The following DOK5 variants were observed in gnomAD, a reference collection of about 807,000 sequenced individuals.
DOK5 encodes the protein downstream of tyrosine kinase 5.
DOK5 carries 27 observed loss-of-function variants against 43.3 expected under a neutral mutation model. The ratio of observed to expected loss-of-function variants is 0.62; its 90% confidence interval spans 0.46 to 0.86. The LOEUF is 0.86. Ranked by LOEUF, DOK5 falls within the 40% of genes least tolerant of loss-of-function variation. The pLI, the probability that DOK5 is intolerant of heterozygous loss-of-function variation, is 0.00. For synonymous variants in DOK5, 146 were observed against 140.1 expected (o/e 1.04, Z -0.30); for missense variants, 373 against 392.9 (o/e 0.95, Z 0.43).
At chr20:54,481,864 T>C (rs1437378318) in intron 1 of DOK5, among the ~76,000 whole-genome samples, 1 of 152,186 alleles carries the variant, frequency 6.6e-6, no homozygotes, top group Admixed American at 6.5e-5. Flanking sequence ...CTCTTACTAC[T>C]CACCTAATAG....
chr20:54,480,902 C>CTATCTATCTATCTATCTATCT lies in DOK5; in HGVS notation c.66+4890_66+4891insTATCTATCTATCTATCTATCT, dbSNP rs1555822314. ...CTCTCAATGAGGCCTTTAAGGCCTCCATCTATCTATCTATCTATCTATCAA... is the reference window on the plus strand; with the variant it reads ...CTCTCAATGAGGCCTTTAAGGCCTCCTATCTATCTATCTATCTATCTATCTATCTATCTATCTATCTATCAA... On this transcript the variant is annotated intron_variant, in intron 1 of 7. Coordinates refer to ENST00000262593, the MANE Select transcript of DOK5 (RefSeq NM_018431.5). Among the ~76,000 whole-genome samples, 145 of 134,978 alleles carry CTATCTATCTATCTATCTATCT rather than the reference C, an allele frequency of 1.1e-3. 3 individuals are homozygous for CTATCTATCTATCTATCTATCT. The highest frequency in any genetic ancestry group is 1.9e-3 in the African/African-American group (58 of 30,580). 88.6% of individuals were successfully genotyped at this position (134,978 alleles called of 152,430 possible).
chr20:54,569,764 T>G (rs1985223972), intron 2 of DOK5, among the ~76,000 whole-genome samples: 1 of 152,184 alleles, frequency 6.6e-6, no homozygotes, highest in African/African-American at 2.4e-5. Context: ...AATGGATTAT[T>G]TTAGTTATTT....
intron 1 of DOK5, among the ~76,000 whole-genome samples, chr20:54,477,498 T>C (rs1324176346): frequency 6.6e-6 from 1 of 152,230 alleles, no homozygotes; most frequent in African/African-American, 2.4e-5. Flanking sequence ...TCTTTTCTGC[T>C]ATGCAAATAT....
chr20:54,572,027 A>T (rs1985298846), intron 2 of DOK5, among the ~76,000 whole-genome samples: 1 of 152,166 alleles, frequency 6.6e-6, no homozygotes, highest in African/African-American at 2.4e-5. Context: ...TAACTCAGAA[A>T]TGATGGCCTC....
At chr20:54,544,794 C>T (rs1984281826) in intron 1 of DOK5, among the ~76,000 whole-genome samples, 1 of 152,014 alleles carries the variant, frequency 6.6e-6, no homozygotes, top group South Asian at 2.1e-4. Context: ...AGTCATAGGT[C>T]TGGGTGGGGC....
intron 1 of DOK5, among the ~76,000 whole-genome samples, chr20:54,532,215 T>C (rs1983798159): frequency 6.6e-6 from 1 of 152,176 alleles, no homozygotes; most frequent in African/African-American, 2.4e-5. Context: ...GTGTGGTAGA[T>C]AGGATTACAA....
intron 1 of DOK5, among the ~76,000 whole-genome samples, chr20:54,515,260 C>G (rs889114607): frequency 6.6e-6 from 1 of 152,132 alleles, no homozygotes; most frequent in African/African-American, 2.4e-5. Context: ...CCATCCAACC[C>G]GCCTCGGCCT....
intron 5 of DOK5, among the ~76,000 whole-genome samples, chr20:54,593,972 C>A (rs1168283138): frequency 4.6e-5 from 7 of 152,070 alleles, no homozygotes; most frequent in Non-Finnish European, 1.0e-4. Flanking sequence ...TAGAAGGGAA[C>A]AACACATATG....
At chr20:54,611,614 G>A (rs1043839852) in intron 6 of DOK5, among the ~76,000 whole-genome samples, 12 of 152,028 alleles carry the variant, frequency 7.9e-5, no homozygotes, top group Middle Eastern at 3.4e-3. Context: ...CTTTAAGGAG[G>A]GTAAATTCAT....
chr20:54,541,479 A>C (rs2426535), intron 1 of DOK5, among the ~76,000 whole-genome samples: 17,358 of 152,110 alleles, frequency 0.11, 1,886 homozygotes, highest in African/African-American at 0.29. Context: ...TCTGTTGCCC[A>C]GGCTGGAGTG....
At chr20:54,553,904 A>G (rs1482932911) in intron 1 of DOK5, among the ~76,000 whole-genome samples, 2 of 148,584 alleles carry the variant, frequency 1.3e-5, no homozygotes, top group East Asian at 3.9e-4. Flanking sequence ...CTCAAAAAAA[A>G]AAAAAAAAAA....
chr20:54,566,854 G>T (rs6023363), intron 2 of DOK5, among the ~76,000 whole-genome samples: 32,631 of 151,932 alleles, frequency 0.21, 7,035 homozygotes, highest in African/African-American at 0.56. Context: ...TGGCCTCAAG[G>T]GATCCTCCCT....
intron 2 of DOK5, among the ~76,000 whole-genome samples, chr20:54,560,714 G>T (rs1450421856): frequency 6.6e-6 from 1 of 152,122 alleles, no homozygotes; most frequent in African/African-American, 2.4e-5. Context: ...TCTGTCTCCT[G>T]GGTCCAAGTG....
rs144027637 is a variant in DOK5, at chr20:54,643,851, T to G, written c.856+273T>G. Among the ~76,000 whole-genome samples, 759 of 152,302 alleles carry G rather than the reference T, an allele frequency of 5.0e-3. 6 individuals carry two copies. Among genetic ancestry groups the G allele is most frequent in the Middle Eastern group, 0.01 (3 of 294 alleles). On this transcript the variant is annotated intron_variant, in intron 7 of 7. Coordinates refer to ENST00000262593, the MANE Select transcript of DOK5 (RefSeq NM_018431.5). ...TTTCATCCCCAGAGACTCTAGATCTTAAGGCATAGGATGTGGCTGAGCAAT... is the reference window on the plus strand; with the variant it reads ...TTTCATCCCCAGAGACTCTAGATCTGAAGGCATAGGATGTGGCTGAGCAAT...
At chr20:54,567,146 C>T (rs1464328261) in intron 2 of DOK5, among the ~76,000 whole-genome samples, 2 of 152,024 alleles carry the variant, frequency 1.3e-5, no homozygotes, top group Non-Finnish European at 2.9e-5. Context: ...CTTTCACCCT[C>T]TTAACAGGAT....
intron 1 of DOK5, among the ~76,000 whole-genome samples, chr20:54,489,706 G>C (rs1016637728): frequency 6.6e-6 from 1 of 152,112 alleles, no homozygotes. Context: ...ACAGCCTTAT[G>C]TGTAAGAACC....
At chr20:54,482,869 A>G (rs1298900213) in intron 1 of DOK5, among the ~76,000 whole-genome samples, 1 of 152,190 alleles carries the variant, frequency 6.6e-6, no homozygotes, top group East Asian at 1.9e-4. Flanking sequence ...TCATGCAACT[A>G]TTCAGTAAGA....
At chr20:54,558,829 A>G (rs1237871814) in intron 2 of DOK5, among the ~76,000 whole-genome samples, 5 of 152,192 alleles carry the variant, frequency 3.3e-5, no homozygotes, top group Non-Finnish European at 5.9e-5. Flanking sequence ...CCAGTTTTGC[A>G]TATCTGACTC....
At chr20:54,499,258 C>T (rs1361927435) in intron 1 of DOK5, among the ~76,000 whole-genome samples, 1 of 152,212 alleles carries the variant, frequency 6.6e-6, no homozygotes, top group Non-Finnish European at 1.5e-5. Flanking sequence ...TTTTAATTCT[C>T]TTTTCACTAA....
Sources: gnomAD v4.1 joint callset for allele counts (sites outside exome capture counted in the v4.1 genomes callset) on GRCh38, gnomAD v4.1.1 for gene constraint, MANE v1.5 for transcripts, NCBI Gene and HGNC (gene_info 2026-07-23, HGNC 2026-07-21) for gene names.